The following LYPD3 variants were observed in gnomAD, a reference collection of about 807,000 sequenced individuals.
LYPD3 encodes LY6/PLAUR domain containing 3.
A neutral mutation model predicts 21.7 loss-of-function variants in LYPD3; 22 were observed. The observed-to-expected ratio is 1.01, with a 90% CI of 0.72 to 1.45. The LOEUF is 1.45. Among genes scored for constraint, LYPD3 ranks in the 40% most tolerant of loss-of-function variants. The probability of loss-of-function intolerance (pLI) is 0.00; values close to 1 mark genes in which losing one functional copy is unlikely to be tolerated. For missense variants in LYPD3, 471 were observed against 466.9 expected, an observed-to-expected ratio of 1.01 and a Z score of -0.08; for synonymous variants, 179 against 203.0, an observed-to-expected ratio of 0.88 and a Z score of 1.00.
intron 1 of LYPD3, among the ~76,000 whole-genome samples, chr19:43,464,985 A>C (rs1317512663): frequency 3.7e-5 from 5 of 134,184 alleles, no homozygotes; most frequent in Non-Finnish European, 7.6e-5. Context: ...GCTGGAGTGC[A>C]GTGGCGCAAT....
chr19:43,461,267 C>CAGTGGTGGGAACAGGA lies in LYPD3; in HGVS notation c.*68_*83dup, dbSNP rs1179972672. The CAGTGGTGGGAACAGGA allele has an allele frequency of 1.7e-5, 25 of 1,431,934 alleles. No homozygotes were observed. Among genetic ancestry groups the CAGTGGTGGGAACAGGA allele is most frequent in the Non-Finnish European group, 2.3e-5 (25 of 1,077,714 alleles). The allele number at this position is 1,431,934 out of a possible 1,614,324, so 88.7% of individuals were successfully genotyped here. ...AAACAGGGGCTGGGCCAGCCCAGTC[C>CAGTGGTGGGAACAGGA]AGTGGTGGGAACAGGAAGTGATGAG... On this transcript the variant is annotated 3_prime_UTR_variant, in exon 5 of 5. Coordinates refer to ENST00000244333, the MANE Select transcript of LYPD3 (RefSeq NM_014400.3).
Position 43,463,372 on chromosome 19 carries a change from G to A in LYPD3, c.383-85C>T, listed in dbSNP as rs1599922355. 9 of 1,494,912 alleles carry A rather than the reference G, an allele frequency of 6.0e-6. No homozygotes were observed. In the East Asian group the frequency reaches 1.9e-4, roughly 31 times the overall value. 92.6% of individuals were successfully genotyped at this position (1,494,912 alleles called of 1,614,324 possible). A position where few individuals can be genotyped will look rare whatever the true frequency, so the allele number is the denominator to read the frequency against. On this transcript the variant is annotated intron_variant, in intron 3 of 4. Transcript: ENST00000244333. ...CCTCTAGCCCCGCCCCTAAGGCCTGGCCCCGGCACTATCGATGACCCCGCC... is the reference window on the plus strand; with the variant it reads ...CCTCTAGCCCCGCCCCTAAGGCCTGACCCCGGCACTATCGATGACCCCGCC...
intron 2 of LYPD3, 116 bp from the exon 3 acceptor site, chr19:43,463,885 C>G: frequency 9.6e-7 from 1 of 1,039,632 alleles, no homozygotes; most frequent in Admixed American, 2.0e-5. Context: ...CACCACAGGA[C>G]CGACAGGCAG....
intron 1 of LYPD3, 95 bp downstream of exon 1, chr19:43,465,398 A>C: frequency 7.1e-7 from 1 of 1,402,632 alleles, no homozygotes; most frequent in East Asian, 2.3e-5. Context: ...TTATGTGGGG[A>C]TCCTTCCCAC....
intron 2 of LYPD3, chr19:43,464,122 T>C (rs1044632648): frequency 2.6e-6 from 2 of 768,340 alleles, no homozygotes; most frequent in East Asian, 2.7e-5. Flanking sequence ...CACCCAGTTC[T>C]CAACTCTCTG....
rs1970770522 is a variant in LYPD3 at position 43,460,993 on chromosome 19, G to T, written c.*358C>A. On this transcript the variant is annotated 3_prime_UTR_variant, in exon 5 of 5. Coordinates refer to ENST00000244333, the MANE Select transcript of LYPD3 (RefSeq NM_014400.3). ...TGTCCCACCCACCCCACGCTCCAAA[G>T]TCCAGGCTGGCTAGGAGAAAGTGAG... The T allele has an allele frequency of 4.5e-6, 1 of 223,436 alleles. No individual in the cohort carries two copies. The allele number at this position is 223,436 out of a possible 1,614,324, so 13.8% of individuals were successfully genotyped here.
rs540144586 is a variant in LYPD3, at chr19:43,461,374, C to T, written c.1018G>A (p.Val340Met). Reference protein sequence around the residue: ...TAGLAALLLAVAAGVLL With the variant: ...TAGLAALLLAMAAGVLL ...GCTCACAGTAGGACACCAGCAGCCA[C>T]GGCCAACAGAAGGGCTGCCAATCCA... Residue 340 changes from valine (V) to methionine (M), a missense_variant, in exon 5 of 5, where the codon GTG (valine) becomes ATG (methionine). Transcript: ENST00000244333. 51 of 1,606,464 alleles carry T rather than the reference C, an allele frequency of 3.2e-5. No homozygotes were observed. In the South Asian group the frequency reaches 4.6e-4, roughly 15 times the overall value.
intron 2 of LYPD3, 132 bp downstream of exon 2, chr19:43,464,193 C>T (rs1261513695): frequency 1.0e-5 from 13 of 1,241,226 alleles, no homozygotes; most frequent in Non-Finnish European, 1.4e-5. Flanking sequence ...GTCGTAGGGT[C>T]CCGGCCAGGC....
rs139961403 is a variant in LYPD3, at chr19:43,462,587, G to T, written c.544+539C>A. 1.1e-3 allele frequency among the ~76,000 whole-genome samples: 161 copies of T among 152,246 alleles called. 2 individuals carry two copies. Among genetic ancestry groups the T allele is most frequent in the African/African-American group, 3.5e-3 (144 of 41,546 alleles). On this transcript the variant is annotated intron_variant, in intron 4 of 4. Coordinates refer to ENST00000244333, the MANE Select transcript of LYPD3 (RefSeq NM_014400.3). The stretch of plus-strand genomic sequence containing the variant: ...CGGGAGGACTGCTTGAGCCCAAGAG[G>T]TAGAGGCTGCAGTGAGCTATGATTG...
At chr19:43,464,300 G>C in intron 2 of LYPD3, 25 bp downstream of exon 2, 1 of 1,582,464 alleles carries the variant, frequency 6.3e-7, no homozygotes, top group Non-Finnish European at 8.6e-7. Context: ...GCAGTGGTGT[G>C]CGTGGCCCGG....
rs771603585 is a variant in LYPD3 at position 43,463,694 on chromosome 19, A to C, written c.287T>G (p.Leu96Arg). The change falls in exon 3 of 5, where the codon CTT becomes CGT. Residue 96 changes from leucine (L) to arginine (R), a missense_variant. By Grantham distance (102) the Leu-to-Arg change is moderately radical. Coordinates refer to ENST00000244333, the MANE Select transcript of LYPD3 (RefSeq NM_014400.3). ...CTGGATGAACGCCAGAAGCCCGTGA[A>C]GATCCAGGCCGCGGTCATTCTTGCC... ...LPGKNDRGLD[L>R]HGLLAFIQLQ... 12 of 1,612,534 alleles carry C rather than the reference A, an allele frequency of 7.4e-6. No individual in the cohort carries two copies. Among genetic ancestry groups the C allele is most frequent in the Admixed American group, 1.7e-5 (1 of 60,014 alleles).
At chr19:43,464,201 G>A in intron 2 of LYPD3, 124 bp downstream of exon 2, 1 of 1,312,746 alleles carries the variant, frequency 7.6e-7, no homozygotes, top group Non-Finnish European at 1.0e-6. Flanking sequence ...GTCCCGGCCA[G>A]GCTGAAAGGG....
Position 43,463,005 on chromosome 19 carries a change from C to T in LYPD3, c.544+121G>A. 5 of 1,076,026 alleles carry T rather than the reference C, an allele frequency of 4.6e-6. No homozygotes were observed. The Admixed American group carries it at 1.0e-4, about 22-fold the overall frequency. 66.7% of individuals were successfully genotyped at this position (1,076,026 alleles called of 1,614,324 possible). ...CTACGATACAAGCACCTAGGCCCCA[C>T]GATTCCCAGAATGCGTCGCAGGTTA... On this transcript the variant is annotated intron_variant, in intron 4 of 4. Coordinates refer to ENST00000244333, the MANE Select transcript of LYPD3 (RefSeq NM_014400.3).
At chr19:43,463,065 C>G in intron 4 of LYPD3, 61 bp downstream of exon 4, 1 of 1,583,508 alleles carries the variant, frequency 6.3e-7, no homozygotes, top group Non-Finnish European at 8.6e-7. Flanking sequence ...CCCTACCGCC[C>G]AGGGTGCTTC....
At chr19:43,464,531 C>T (rs1723031632) in intron 1 of LYPD3, 75 bp from the exon 2 acceptor site, 7 of 1,583,960 alleles carry the variant, frequency 4.4e-6, no homozygotes, top group African/African-American at 1.3e-5. Context: ...TAGTCCTTCC[C>T]ATGCCCTCTG....
chr19:43,463,910 A>C, intron 2 of LYPD3, 141 bp from the exon 3 acceptor site: 1 of 871,018 alleles, frequency 1.1e-6, no homozygotes, highest in Non-Finnish European at 1.8e-6. Flanking sequence ...TGGCGGATGG[A>C]CGCCCCCAAA....
At position 43,463,792 on chromosome 19, in the gene LYPD3, G is replaced by T. The variant is rs1970797573; in HGVS notation, c.212-23C>A. On this transcript the variant is annotated intron_variant, in intron 2 of 4. Coordinates refer to ENST00000244333, the MANE Select transcript of LYPD3 (RefSeq NM_014400.3). ...GGACTAGGGAGAGGGACAAGGGCGGGATTAGCTGTGGGCGTGGTCTCAGAT... is the reference window on the plus strand; with the variant it reads ...GGACTAGGGAGAGGGACAAGGGCGGTATTAGCTGTGGGCGTGGTCTCAGAT... 1.9e-6 allele frequency: 3 copies of T among 1,605,988 alleles called. No individual in the cohort carries two copies. The South Asian group carries it at 3.3e-5, about 18-fold the overall frequency.
In LYPD3 at chr19:43,461,697, G is replaced by T; in HGVS notation, c.695C>A (p.Ser232Tyr). The change falls in exon 5 of 5, where the codon TCC (serine) becomes TAC (tyrosine). Residue 232 changes from serine to tyrosine, a missense_variant. Physicochemically the swap from Ser to Tyr is moderately radical, Grantham distance 144. Coordinates refer to ENST00000244333, the MANE Select transcript of LYPD3 (RefSeq NM_014400.3). ...CCGGACAAGGGGTGGGATTCGAGGGGAGAAGTAGGTCTTGTTGCGGAGGTC... is the reference window on the plus strand; with the variant it reads ...CCGGACAAGGGGTGGGATTCGAGGGTAGAAGTAGGTCTTGTTGCGGAGGTC... ...NSDLRNKTYF[S>Y]PRIPPLVRLP... 1 of 1,614,148 alleles carries T rather than the reference G, an allele frequency of 6.2e-7. No individual in the cohort carries two copies. Among genetic ancestry groups the T allele is most frequent in the Non-Finnish European group, 8.5e-7 (1 of 1,180,024 alleles).
intron 1 of LYPD3, among the ~76,000 whole-genome samples, chr19:43,464,657 G>A (rs542318247): frequency 6.6e-6 from 1 of 152,258 alleles, no homozygotes; most frequent in African/African-American, 2.4e-5. Flanking sequence ...CACCCACTAT[G>A]CCAACTGTGG....
Sources: allele counts gnomAD v4.1 joint callset (sites outside exome capture counted in the v4.1 genomes callset), GRCh38; gene constraint gnomAD v4.1.1; transcripts MANE v1.5; gene names NCBI Gene and HGNC (gene_info 2026-07-23, HGNC 2026-07-21).